The following TRAPPC9 variants were observed in gnomAD, a reference collection of about 807,000 sequenced individuals.
TRAPPC9 encodes IKK2 binding protein.
In TRAPPC9, 83 loss-of-function variants were observed where a neutral mutation model predicts 124.0. The ratio of observed to expected loss-of-function variants is 0.67; its 90% CI spans 0.56 to 0.80. TRAPPC9 has a LOEUF of 0.80. Ranked by LOEUF, TRAPPC9 falls within the 30% of genes least tolerant of loss-of-function variation. TRAPPC9 has a pLI of 0.00. For missense variants in TRAPPC9, 1,302 were observed against 1,508.3 expected (o/e 0.86, Z 2.27); for synonymous variants, 638 against 617.5 (o/e 1.03, Z -0.49).
chr8:140,116,342 G>T (rs2060888056), intron 17 of TRAPPC9, among the ~76,000 whole-genome samples: 1 of 152,104 alleles, frequency 6.6e-6, no homozygotes, highest in Non-Finnish European at 1.5e-5. Context: ...TTCGGAGGCA[G>T]GAAATTCATA....
intron 8 of TRAPPC9, 35 bp from the exon 9 acceptor site, chr8:140,360,228 T>C (rs1236513632): frequency 3.1e-6 from 5 of 1,613,550 alleles, no homozygotes; most frequent in African/African-American, 1.3e-5. Context: ...ACAAAAGTGC[T>C]TGGAGAGGGT....
chr8:140,114,883 C>A (rs143868271), intron 17 of TRAPPC9, among the ~76,000 whole-genome samples: 1 of 152,284 alleles, frequency 6.6e-6, no homozygotes, highest in Non-Finnish European at 1.5e-5. Flanking sequence ...GAAAAAGATG[C>A]AATATCCACG....
At position 140,104,129 on chromosome 8, in the gene TRAPPC9, T is replaced by G. The variant is rs1445445316; in HGVS notation, c.2557-80050A>C. Among the ~76,000 whole-genome samples, 1 of 152,208 alleles carries G rather than the reference T, an allele frequency of 6.6e-6. No individual in the cohort carries two copies. The highest frequency in any genetic ancestry group is 1.5e-5 in the Non-Finnish European group (1 of 68,038). Reference sequence around the variant, plus strand: ...ATTGTACCATATGCCAGGCTGGAGATGCAGGGATGAAACTGTCTCCTGGGA... The same window carrying G: ...ATTGTACCATATGCCAGGCTGGAGAGGCAGGGATGAAACTGTCTCCTGGGA... On this transcript the variant is annotated intron_variant, in intron 17 of 22. Transcript: ENST00000438773. The surrounding 1 kb of genome is among the most constrained non-coding windows in gnomAD (Gnocchi z 4.0).
intron 6 of TRAPPC9, 150 bp from the exon 7 acceptor site, chr8:140,397,895 G>A (rs1048267390): frequency 1.0e-6 from 1 of 992,866 alleles, no homozygotes; most frequent in Non-Finnish European, 1.5e-6. Flanking sequence ...GTTTGGTTCT[G>A]TGTCCCCACC....
chr8:140,430,018 G>A (rs1236045065), intron 4 of TRAPPC9, among the ~76,000 whole-genome samples: 1 of 145,374 alleles, frequency 6.9e-6, no homozygotes, highest in African/African-American at 2.6e-5. Flanking sequence ...GAGGTGGCAG[G>A]CGCCTGTAAT....
chr8:139,950,177 T>C (rs1834545191), intron 19 of TRAPPC9, among the ~76,000 whole-genome samples: 1 of 152,246 alleles, frequency 6.6e-6, no homozygotes, highest in African/African-American at 2.4e-5. Context: ...GATAGATTGC[T>C]GGTCCACAGT....
At chr8:139,867,898 T>C (rs1828652391) in intron 21 of TRAPPC9, among the ~76,000 whole-genome samples, 1 of 152,208 alleles carries the variant, frequency 6.6e-6, no homozygotes, top group Non-Finnish European at 1.5e-5. Context: ...ACTACTGGGA[T>C]AGCTGGAAAA....
At chr8:139,874,609 G>C (rs1013222993) in intron 21 of TRAPPC9, among the ~76,000 whole-genome samples, 5 of 151,996 alleles carry the variant, frequency 3.3e-5, no homozygotes, top group East Asian at 3.8e-4. Context: ...ATGAAGGCCT[G>C]GGGGGAGCAT....
In TRAPPC9 at chr8:140,451,107, G is replaced by C; in HGVS notation, c.267C>G (p.Ala89=). The change falls in exon 2 of 23, where the codon GCC becomes GCG. Residue 89 remains alanine, a synonymous_variant. Coordinates refer to ENST00000438773, the MANE Select transcript of TRAPPC9 (RefSeq NM_001160372.4). The part of the protein sequence containing the change: ...GLITITDCFS[A]KDWPQTFEKF... ...TCTCAAAGGTCTGTGGCCAGTCCTT[G>C]GCCGAGAAGCAGTCTGTGATGGTGA... 1 of 1,614,086 alleles carries C rather than the reference G, an allele frequency of 6.2e-7. No individual in the cohort carries two copies. The highest frequency in any genetic ancestry group is 8.5e-7 in the Non-Finnish European group (1 of 1,180,006).
intron 19 of TRAPPC9, among the ~76,000 whole-genome samples, chr8:139,964,181 G>A (rs1218857568): frequency 3.8e-5 from 5 of 132,884 alleles, no homozygotes; most frequent in African/African-American, 5.9e-5. Context: ...CAGAGATCGC[G>A]CCACCTGTAC....
intron 21 of TRAPPC9, among the ~76,000 whole-genome samples, chr8:139,836,608 G>A (rs766928491): frequency 1.3e-5 from 2 of 152,194 alleles, no homozygotes; most frequent in Non-Finnish European, 2.9e-5. Context: ...AAACTCACAC[G>A]ATTCATCCCA....
At chr8:139,991,882 A>T (rs2941570) in intron 18 of TRAPPC9, among the ~76,000 whole-genome samples, 1 of 152,080 alleles carries the variant, frequency 6.6e-6, no homozygotes, top group East Asian at 1.9e-4. Flanking sequence ...GGCACTGTTT[A>T]TTCAGCCCCA....
intron 16 of TRAPPC9, among the ~76,000 whole-genome samples, chr8:140,240,349 G>A (rs2063829944): frequency 6.6e-6 from 1 of 152,174 alleles, no homozygotes; most frequent in African/African-American, 2.4e-5. Flanking sequence ...GCGTCCAATG[G>A]TGACAGTGCG....
chr8:139,934,597 G>A (rs1833396225), intron 19 of TRAPPC9, among the ~76,000 whole-genome samples: 1 of 152,196 alleles, frequency 6.6e-6, no homozygotes, highest in Admixed American at 6.5e-5. Flanking sequence ...AAACCGCTCA[G>A]CAATTCTCTT....
At chr8:140,172,324 T>C (rs2061981604) in intron 17 of TRAPPC9, among the ~76,000 whole-genome samples, 1 of 151,644 alleles carries the variant, frequency 6.6e-6, no homozygotes, top group African/African-American at 2.4e-5. Flanking sequence ...TTTCAACTAG[T>C]TCTGGACAAC....
intron 9 of TRAPPC9, among the ~76,000 whole-genome samples, chr8:140,327,872 A>C (rs375160681): frequency 6.6e-5 from 10 of 152,352 alleles, no homozygotes; most frequent in African/African-American, 2.4e-4. Flanking sequence ...TATGTACTCA[A>C]TACCACTGAA....
intron 20 of TRAPPC9, among the ~76,000 whole-genome samples, chr8:139,893,569 G>T (rs895622668): frequency 2.6e-5 from 4 of 152,238 alleles, no homozygotes; most frequent in Non-Finnish European, 5.9e-5. Flanking sequence ...ACCAAAAGTA[G>T]CTCCATAAAC....
At chr8:140,242,014 G>A in intron 16 of TRAPPC9, among the ~76,000 whole-genome samples, 1 of 152,160 alleles carries the variant, frequency 6.6e-6, no homozygotes, top group Non-Finnish European at 1.5e-5. Flanking sequence ...GGAGGGAGGG[G>A]CCGAGTGGGT....
intron 17 of TRAPPC9, among the ~76,000 whole-genome samples, chr8:140,028,060 CTT>C (rs938639509): frequency 3.9e-5 from 6 of 152,050 alleles, no homozygotes; most frequent in African/African-American, 1.2e-4. Context: ...TGCCTTACCT[CTT>C]TGAGATAAAA....
Sources: allele counts gnomAD v4.1 joint callset (sites outside exome capture counted in the v4.1 genomes callset), GRCh38; gene constraint gnomAD v4.1.1; non-coding constraint Gnocchi (gnomAD v3.1); transcripts MANE v1.5; gene names NCBI Gene and HGNC (gene_info 2026-07-23, HGNC 2026-07-21).